The following PTPRZ1 variants were observed in gnomAD, a reference collection of about 807,000 sequenced individuals.
The protein encoded by PTPRZ1 is protein tyrosine phosphatase receptor type Z1, also known as receptor-type tyrosine-protein phosphatase zeta.
A neutral mutation model predicts 214.1 loss-of-function variants in PTPRZ1; 82 were observed. That is an observed-to-expected ratio of 0.38 (90% confidence interval 0.32 to 0.46). PTPRZ1 has a LOEUF of 0.46. Among genes scored for constraint, PTPRZ1 ranks in the 20% least tolerant of loss-of-function variants. The pLI is 1.00. For synonymous variants in PTPRZ1, 945 were observed against 987.9 expected, an observed-to-expected ratio of 0.96 and a Z score of 0.81; for missense variants, 2,603 against 2,748.7, an observed-to-expected ratio of 0.95 and a Z score of 1.19.
rs564532028 is a variant in PTPRZ1, at chr7:121,990,735, G to C, written c.929-5647G>C. 5.7e-3 allele frequency among the ~76,000 whole-genome samples: 863 copies of C among 152,092 alleles called. 11 individuals carry two copies. The highest frequency in any genetic ancestry group is 0.02 in the African/African-American group (828 of 41,480). On this transcript the variant is annotated intron_variant, in intron 8 of 29. Transcript: ENST00000393386. ...GGGTTTCACCATGTTGGCCAGACTG[G>C]TCTCGAACTCCTGACCTCAGGTGAT...
intron 1 of PTPRZ1, among the ~76,000 whole-genome samples, chr7:121,890,502 C>T (rs1916886): frequency 0.59 from 89,191 of 151,946 alleles, 27,775 homozygotes; most frequent in African/African-American, 0.8. Context: ...CTCCCTACTT[C>T]ACCATACAAA....
chr7:121,907,886 A>G (rs760999333), intron 1 of PTPRZ1, among the ~76,000 whole-genome samples: 1 of 152,204 alleles, frequency 6.6e-6, no homozygotes, highest in East Asian at 1.9e-4. Context: ...TCAAATGAAA[A>G]TAAAACTTAG....
At chr7:121,943,181 A>G (rs897924804) in intron 2 of PTPRZ1, among the ~76,000 whole-genome samples, 1 of 152,198 alleles carries the variant, frequency 6.6e-6, no homozygotes, top group African/African-American at 2.4e-5. Context: ...TTTAAATAAC[A>G]TTAAAGATAA....
At chr7:122,055,752 A>G (rs1372213609) in intron 27 of PTPRZ1, among the ~76,000 whole-genome samples, 1 of 151,920 alleles carries the variant, frequency 6.6e-6, no homozygotes, top group Non-Finnish European at 1.5e-5. Flanking sequence ...GTAAAATACT[A>G]AAAGATACTA....
Position 121,943,618 on chromosome 7 carries a change from G to A in PTPRZ1, c.124+15397G>A, listed in dbSNP as rs150997272. ...CTCCCAACGTGCTGGGATTACAGGC[G>A]TGAGCCACTGCGCCCGGCCAATAAT... On this transcript the variant is annotated intron_variant, in intron 2 of 29. Coordinates refer to ENST00000393386, the MANE Select transcript of PTPRZ1 (RefSeq NM_002851.3). Among the ~76,000 whole-genome samples, 271 of 152,260 alleles carry A rather than the reference G, an allele frequency of 1.8e-3. 6 individuals are homozygous for A. The East Asian group carries it at 0.041, about 23-fold the overall frequency.
chr7:121,938,265 G>A (rs781442187), intron 2 of PTPRZ1, among the ~76,000 whole-genome samples: 19 of 152,118 alleles, frequency 1.2e-4, no homozygotes, highest in Non-Finnish European at 4.4e-5. Context: ...GAAAGATTGC[G>A]AAGATAGGAA....
At position 122,011,829 on chromosome 7, in the gene PTPRZ1, A is replaced by T; in HGVS notation, c.2783A>T (p.Tyr928Phe). The T allele has an allele frequency of 6.2e-7, 1 of 1,613,968 alleles. No individual in the cohort carries two copies. The highest frequency in any genetic ancestry group is 8.5e-7 in the Non-Finnish European group (1 of 1,179,852). The change falls in exon 12 of 30, where the codon TAT becomes TTT. Residue 928 changes from tyrosine (Y) to phenylalanine (F), a missense_variant. Tyr to Phe is a conservative substitution (Grantham distance 22, BLOSUM62 3). Coordinates refer to ENST00000393386, the MANE Select transcript of PTPRZ1 (RefSeq NM_002851.3). ...CGTTCTTCAGGGCCTGAACCTTCTT[A>T]TGCCTTGTCTGATAATGAGGGCTCC... ...HARSSGPEPS[Y>F]ALSDNEGSQH...
At chr7:121,942,339 GA>G (rs1048094969) in intron 2 of PTPRZ1, among the ~76,000 whole-genome samples, 14 of 152,228 alleles carry the variant, frequency 9.2e-5, no homozygotes, top group African/African-American at 3.1e-4. Flanking sequence ...ATTCTCTTTT[GA>G]AAGAAAAGTT....
chr7:122,030,642 G>A (rs17144026), intron 14 of PTPRZ1, among the ~76,000 whole-genome samples: 1 of 151,850 alleles, frequency 6.6e-6, no homozygotes, highest in East Asian at 1.9e-4. Flanking sequence ...TAAAATATTA[G>A]ATGGCCTAAA....
chr7:121,989,850 C>A lies in PTPRZ1; in HGVS notation c.928+5733C>A, dbSNP rs182594960. On this transcript the variant is annotated intron_variant, in intron 8 of 29. Coordinates refer to ENST00000393386, the MANE Select transcript of PTPRZ1 (RefSeq NM_002851.3). ...AAGCACACAGAAGAAAATAAAAATACCCTGTAATTACACTACCCAGAGATA... is the reference window on the plus strand; with the variant it reads ...AAGCACACAGAAGAAAATAAAAATAACCTGTAATTACACTACCCAGAGATA... Among the ~76,000 whole-genome samples, 5 of 152,022 alleles carry A rather than the reference C, an allele frequency of 3.3e-5. No homozygotes were observed. In the East Asian group the frequency reaches 9.7e-4, roughly 29 times the overall value.
intron 11 of PTPRZ1, among the ~76,000 whole-genome samples, chr7:122,009,420 G>A (rs1225870496): frequency 6.7e-6 from 1 of 149,448 alleles, no homozygotes; most frequent in Non-Finnish European, 1.5e-5. Context: ...AAGCTGTTGG[G>A]TACAAAGATA....
At position 121,873,242 on chromosome 7, in the gene PTPRZ1, C is replaced by T. The variant is rs1793933551; in HGVS notation, c.-258C>T. ...GCGCCTCGGCTAGCGGCCCCGGGCC[C>T]CACCACCGTGCGGCTTTCTCCAGAT... On this transcript the variant is annotated 5_prime_UTR_variant, in exon 1 of 30. Transcript: ENST00000393386. 2.2e-6 allele frequency: 1 copy of T among 453,208 alleles called. No homozygotes were observed. The highest frequency in any genetic ancestry group is 3.9e-6 in the Non-Finnish European group (1 of 256,232). 28.1% of individuals were successfully genotyped at this position (453,208 alleles called of 1,614,324 possible). A position where few individuals can be genotyped will look rare whatever the true frequency, so the allele number is the denominator to read the frequency against.
chr7:122,034,735 C>T (rs1799486432), intron 17 of PTPRZ1, among the ~76,000 whole-genome samples: 1 of 151,992 alleles, frequency 6.6e-6, no homozygotes, highest in African/African-American at 2.4e-5. Flanking sequence ...GTGAATTTAC[C>T]AACCGAATTA....
At chr7:121,950,567 G>A (rs2116453876) in intron 2 of PTPRZ1, among the ~76,000 whole-genome samples, 1 of 152,318 alleles carries the variant, frequency 6.6e-6, no homozygotes, top group African/African-American at 2.4e-5. Flanking sequence ...GCTCAGACTA[G>A]AAAGCGGGAG....
intron 2 of PTPRZ1, 53 bp downstream of exon 2, chr7:121,928,274 A>G (rs1194999573): frequency 7.4e-7 from 1 of 1,346,568 alleles, no homozygotes; most frequent in Admixed American, 2.0e-5. Context: ...ATTGTTTTGT[A>G]TCTATTTTTA....
At chr7:122,038,504 CTATTCTTT>C (rs1260061846) in intron 18 of PTPRZ1, among the ~76,000 whole-genome samples, 4 of 133,450 alleles carry the variant, frequency 3.0e-5, no homozygotes, top group African/African-American at 1.2e-4. Context: ...GCAAAGAGAG[CTATTCTTT>C]TTTTTTTTTT....
chr7:122,039,601 A>C lies in PTPRZ1; in HGVS notation c.5637+13A>C. Reference sequence around the variant, plus strand: ...AAAAATAAAAAAGGTGAGTCAACAAAATGATGGGCATAATCAAGTGAACAA... The same window carrying C: ...AAAAATAAAAAAGGTGAGTCAACAACATGATGGGCATAATCAAGTGAACAA... On this transcript the variant is annotated intron_variant, in intron 20 of 29. Coordinates refer to ENST00000393386, the MANE Select transcript of PTPRZ1 (RefSeq NM_002851.3). 1 of 1,612,246 alleles carries C rather than the reference A, an allele frequency of 6.2e-7. No homozygotes were observed. The highest frequency in any genetic ancestry group is 8.5e-7 in the Non-Finnish European group (1 of 1,179,368).
Position 122,036,690 on chromosome 7 carries a change from T to G in PTPRZ1, c.5367+8T>G, listed in dbSNP as rs777272778. ...AATGCCAATTATGTTGATGTAAGCA[T>G]GTTTTAATTGAAAATTTTATAGAAA... On this transcript the variant is annotated splice_region_variant and intron_variant, in intron 18 of 29. Transcript: ENST00000393386. 2 of 1,570,614 alleles carry G rather than the reference T, an allele frequency of 1.3e-6. No homozygotes were observed. Among genetic ancestry groups the G allele is most frequent in the Non-Finnish European group, 1.8e-6 (2 of 1,141,430 alleles).
intron 28 of PTPRZ1, 134 bp from the exon 29 acceptor site, chr7:122,059,619 C>A: frequency 3.1e-6 from 3 of 982,918 alleles, no homozygotes; most frequent in South Asian, 3.8e-5. Flanking sequence ...GTGCAAAAAG[C>A]GAAGAGAGAC....
Sources: allele counts gnomAD v4.1 joint callset (sites outside exome capture counted in the v4.1 genomes callset), GRCh38; gene constraint gnomAD v4.1.1; transcripts MANE v1.5; gene names NCBI Gene and HGNC (gene_info 2026-07-23, HGNC 2026-07-21).